CCDC62: variants seen among roughly 807,000 people sequenced by gnomAD.
The protein encoded by CCDC62 is coiled-coil domain-containing protein 62.
In CCDC62, 72 loss-of-function variants were observed where a neutral mutation model predicts 80.8. That is an observed-to-expected ratio of 0.89 (90% CI 0.74 to 1.08). CCDC62 has a LOEUF of 1.08. Ranked by LOEUF, CCDC62 falls within the 50% of genes least tolerant of loss-of-function variation. The pLI, the probability that CCDC62 is intolerant of heterozygous loss-of-function variation, is 0.00. For synonymous variants in CCDC62, 286 were observed against 296.5 expected, an observed-to-expected ratio of 0.96 and a Z score of 0.36; for missense variants, 704 against 809.4, an observed-to-expected ratio of 0.87 and a Z score of 1.58.
intron 9 of CCDC62, among the ~76,000 whole-genome samples, chr12:122,805,842 A>G (rs191269615): frequency 2.6e-4 from 40 of 151,994 alleles, no homozygotes; most frequent in African/African-American, 9.2e-4. Flanking sequence ...TTTAGTAGAG[A>G]TGGGGTTTCA....
intron 11 of CCDC62, among the ~76,000 whole-genome samples, chr12:122,822,059 A>AC (rs1491159125): frequency 3.2e-5 from 3 of 93,234 alleles, no homozygotes; most frequent in Non-Finnish European, 6.2e-5. Context: ...CTATAAATTT[A>AC]AACACACACA....
intron 3 of CCDC62, among the ~76,000 whole-genome samples, chr12:122,783,329 A>G (rs1346335640): frequency 6.7e-6 from 1 of 148,508 alleles, no homozygotes; most frequent in African/African-American, 2.5e-5. Flanking sequence ...CCGGGTTCAC[A>G]CTATTCTCCT....
chr12:122,819,969 G>A (rs1162181415), intron 11 of CCDC62, among the ~76,000 whole-genome samples: 1 of 147,196 alleles, frequency 6.8e-6, no homozygotes, highest in East Asian at 2.1e-4. Context: ...GGCTGGGACA[G>A]GAGGATTGCT....
At chr12:122,790,848 A>C (rs1593793194) in intron 5 of CCDC62, among the ~76,000 whole-genome samples, 2 of 152,206 alleles carry the variant, frequency 1.3e-5, no homozygotes, top group African/African-American at 4.8e-5. Flanking sequence ...AGTCTGGTGT[A>C]ATCAACTGAC....
chr12:122,805,715 C>T (rs192054410), intron 9 of CCDC62, among the ~76,000 whole-genome samples: 64 of 152,046 alleles, frequency 4.2e-4, no homozygotes, highest in African/African-American at 1.3e-3. Flanking sequence ...GGGGTTTCAC[C>T]GTGTTAGGAT....
chr12:122,787,105 C>T (rs1034792931), intron 4 of CCDC62, among the ~76,000 whole-genome samples: 5 of 152,214 alleles, frequency 3.3e-5, no homozygotes, highest in Non-Finnish European at 7.3e-5. Flanking sequence ...TCTGAAGGTG[C>T]TGCCAAGGCA....
intron 6 of CCDC62, among the ~76,000 whole-genome samples, chr12:122,795,137 G>A (rs919764032): frequency 1.3e-5 from 2 of 151,674 alleles, no homozygotes; most frequent in Non-Finnish European, 2.9e-5. Context: ...TTCAACTTCC[G>A]CCTCCTGGGT....
At position 122,826,508 on chromosome 12, in the gene CCDC62, C is replaced by T; in HGVS notation, c.*127C>T. 2.6e-6 allele frequency: 2 copies of T among 761,448 alleles called. No individual in the cohort carries two copies. Among genetic ancestry groups the T allele is most frequent in the Non-Finnish European group, 4.9e-6 (2 of 409,782 alleles). The allele number at this position is 761,448 out of a possible 1,614,324, so 47.2% of individuals were successfully genotyped here. A position where few individuals can be genotyped will look rare whatever the true frequency, so the allele number is the denominator to read the frequency against. On this transcript the variant is annotated 3_prime_UTR_variant, in exon 13 of 13. Coordinates refer to ENST00000253079, the MANE Select transcript of CCDC62 (RefSeq NM_201435.5). ...AAACTGAAAGAGGATTCTAGTTCTT[C>T]ATAAACGGCACTTAATTCCAGCTGG...
At chr12:122,782,025 CAAA>C (rs370400310) in intron 3 of CCDC62, among the ~76,000 whole-genome samples, 6 of 65,370 alleles carry the variant, frequency 9.2e-5, no homozygotes, top group Admixed American at 1.8e-4. Flanking sequence ...GCCTGGGTGA[CAAA>C]AAAAAAAAAA....
chr12:122,803,348 GA>G (rs2135563604), intron 9 of CCDC62, among the ~76,000 whole-genome samples: 1 of 152,256 alleles, frequency 6.6e-6, no homozygotes, highest in East Asian at 1.9e-4. Context: ...GTTTTTTTAA[GA>G]GAAGAAAATT....
chr12:122,812,808 A>AAAGAAAGAAAGAAAG, intron 10 of CCDC62, among the ~76,000 whole-genome samples: 1 of 143,234 alleles, frequency 7.0e-6, no homozygotes, highest in African/African-American at 2.5e-5. Flanking sequence ...AGAAAGAAAG[A>AAAGAAAGAAAGAAAG]AAGAAAGAAA....
intron 10 of CCDC62, among the ~76,000 whole-genome samples, chr12:122,811,034 G>T (rs1044598249): frequency 1.4e-5 from 2 of 142,690 alleles, no homozygotes; most frequent in African/African-American, 2.8e-5. Context: ...GTGGGGGGAG[G>T]GGGGAGGGAT....
chr12:122,822,074 C>CACACACACACAT (rs1407049740), intron 11 of CCDC62, among the ~76,000 whole-genome samples: 3 of 135,906 alleles, frequency 2.2e-5, no homozygotes, highest in Non-Finnish European at 3.1e-5. Context: ...CACACACACA[C>CACACACACACAT]ACACACACAC....
chr12:122,794,984 G>A (rs1442967175), intron 6 of CCDC62, among the ~76,000 whole-genome samples: 1 of 151,936 alleles, frequency 6.6e-6, no homozygotes, highest in Non-Finnish European at 1.5e-5. Flanking sequence ...GCCCAAAAAA[G>A]AATTTTTAAA....
chr12:122,801,343 C>T lies in CCDC62; in HGVS notation c.1197C>T (p.Phe399=). 1 of 1,614,136 alleles carries T rather than the reference C, an allele frequency of 6.2e-7. No homozygotes were observed. The highest frequency in any genetic ancestry group is 2.2e-5 in the East Asian group (1 of 44,894). ...EKSVITLSSI[F]TKDLVEKHNL... is the part of the protein sequence containing the mutation. ...GTGTAATTACGCTGTCATCCATATT[C>T]ACCAAAGACTTAGTAGAGAAACACA... Residue 399 remains phenylalanine (F), a synonymous_variant, in exon 9 of 13, where the codon TTC becomes TTT. Coordinates refer to ENST00000253079, the MANE Select transcript of CCDC62 (RefSeq NM_201435.5).
chr12:122,819,155 G>A (rs191536298), intron 11 of CCDC62, among the ~76,000 whole-genome samples: 2 of 152,120 alleles, frequency 1.3e-5, no homozygotes, highest in Admixed American at 6.6e-5. Flanking sequence ...AAATAACAGG[G>A]ATTTACCTGG....
intron 6 of CCDC62, among the ~76,000 whole-genome samples, chr12:122,795,510 G>A (rs1029640661): frequency 3.3e-5 from 5 of 151,914 alleles, no homozygotes; most frequent in Non-Finnish European, 7.4e-5. Flanking sequence ...TGCAAGCTCA[G>A]CCTCCTGGGT....
chr12:122,778,889 G>C (rs1291287634), intron 2 of CCDC62, among the ~76,000 whole-genome samples: 1 of 151,886 alleles, frequency 6.6e-6, no homozygotes, highest in African/African-American at 2.4e-5. Context: ...AACAAAGAAA[G>C]AAACAAACAA....
At chr12:122,782,297 C>T (rs2029911686) in intron 3 of CCDC62, among the ~76,000 whole-genome samples, 2 of 152,204 alleles carry the variant, frequency 1.3e-5, no homozygotes, top group Admixed American at 1.3e-4. Flanking sequence ...ACGGCATTAT[C>T]CTGTCTTAGA....
Sources: allele counts gnomAD v4.1 joint callset (sites outside exome capture counted in the v4.1 genomes callset), GRCh38; gene constraint gnomAD v4.1.1; transcripts MANE v1.5; gene names NCBI Gene and HGNC (gene_info 2026-07-23, HGNC 2026-07-21).